Variants in ELAVL4 observed in about 807,000 individuals in gnomAD.
ELAVL4 encodes ELAV-like protein 4.
Under a neutral mutation model 35.6 loss-of-function variants are expected in ELAVL4, and 1 was observed. The observed-to-expected ratio is 0.03, with a 90% CI of 0.01 to 0.13. ELAVL4 has a LOEUF of 0.13. ELAVL4 is among the 10% of genes least tolerant of loss of function. The probability of loss-of-function intolerance (pLI) is 1.00; values close to 1 mark genes in which losing one functional copy is unlikely to be tolerated. For synonymous variants in ELAVL4, 156 were observed against 171.0 expected (o/e 0.91, Z 0.69); for missense variants, 267 against 464.9 (o/e 0.57, Z 3.91).
chr1:50,087,036 A>G (rs1290163005), intron 1 of ELAVL4, among the ~76,000 whole-genome samples: 1 of 152,154 alleles, frequency 6.6e-6, no homozygotes, highest in Non-Finnish European at 1.5e-5. Context: ...GGGTGGGCTT[A>G]GAGAGTCAAT....
chr1:50,113,100 GT>G (rs1007878427), intron 1 of ELAVL4, among the ~76,000 whole-genome samples: 23 of 152,096 alleles, frequency 1.5e-4, no homozygotes, highest in African/African-American at 4.8e-4. Flanking sequence ...AGAAATTATT[GT>G]TTGAATGGTG....
rs181402617 is a variant in ELAVL4 at position 50,198,193 on chromosome 1, C to T, written c.773+726C>T. ...TGGGGTTGGGGGCCCAGAGTCAAGGCTTTTGGGGCTCTCTGAATGCAGATT... is the reference window on the plus strand; with the variant it reads ...TGGGGTTGGGGGCCCAGAGTCAAGGTTTTTGGGGCTCTCTGAATGCAGATT... On this transcript the variant is annotated intron_variant, in intron 6 of 6. Coordinates refer to ENST00000371824, the MANE Select transcript of ELAVL4 (RefSeq NM_001144774.3). Among the ~76,000 whole-genome samples, 260 of 152,204 alleles carry T rather than the reference C, an allele frequency of 1.7e-3. 1 individual carries two copies. The highest frequency in any genetic ancestry group is 6.0e-3 in the African/African-American group (249 of 41,540).
upstream of ELAVL4, among the ~76,000 whole-genome samples, chr1:50,103,339 T>C (rs79466073): frequency 0.058 from 8,796 of 152,286 alleles, 348 homozygotes; most frequent in Middle Eastern, 0.085. Flanking sequence ...GAATTTCTGA[T>C]AGACTCCTTC....
chr1:50,158,965 A>C (rs892858884), intron 2 of ELAVL4, among the ~76,000 whole-genome samples: 1 of 150,626 alleles, frequency 6.6e-6, no homozygotes, highest in East Asian at 2.0e-4. Flanking sequence ...TGAACCCAGG[A>C]GGCAGAGGTT....
chr1:50,161,656 A>G (rs2148760107), intron 2 of ELAVL4, among the ~76,000 whole-genome samples: 1 of 152,368 alleles, frequency 6.6e-6, no homozygotes, highest in East Asian at 1.9e-4. Flanking sequence ...TTTATTTTAT[A>G]TAACAAACCA....
chr1:50,167,822 A>G (rs942974630), intron 2 of ELAVL4, among the ~76,000 whole-genome samples: 1 of 152,204 alleles, frequency 6.6e-6, no homozygotes, highest in African/African-American at 2.4e-5. Flanking sequence ...GGATACAAGT[A>G]TCTTCACAGT....
At chr1:50,165,585 T>C (rs1270792923) in intron 2 of ELAVL4, among the ~76,000 whole-genome samples, 1 of 148,456 alleles carries the variant, frequency 6.7e-6, no homozygotes, top group Admixed American at 6.8e-5. Flanking sequence ...CGTATATATG[T>C]ATACATATAT....
chr1:50,172,808 A>G (rs1374494140), intron 2 of ELAVL4, among the ~76,000 whole-genome samples: 1 of 152,224 alleles, frequency 6.6e-6, no homozygotes, highest in African/African-American at 2.4e-5. Context: ...AGAGAATCAA[A>G]TGCATAGAAG....
chr1:50,184,353 T>A (rs1318517886), intron 3 of ELAVL4, among the ~76,000 whole-genome samples: 1 of 150,704 alleles, frequency 6.6e-6, no homozygotes, highest in East Asian at 2.0e-4. Flanking sequence ...GGGCTTTAGC[T>A]GTCTTCAAGT....
Position 50,202,395 on chromosome 1 carries a change from G to A in ELAVL4, c.*1217G>A, listed in dbSNP as rs1334878824. 6.6e-6 allele frequency: 1 copy of A among 152,132 alleles called. No homozygotes were observed. Among genetic ancestry groups the A allele is most frequent in the Non-Finnish European group, 1.5e-5 (1 of 68,024 alleles). 9.4% of individuals were successfully genotyped at this position (152,132 alleles called of 1,614,324 possible). On this transcript the variant is annotated 3_prime_UTR_variant, in exon 7 of 7. Coordinates refer to ENST00000371824, the MANE Select transcript of ELAVL4 (RefSeq NM_001144774.3). Reference sequence around the variant, plus strand: ...ATCATAGTTAAATGTAATGTGTTTAGGAGAGGAAAACAAAAGATACATTTG... The same window carrying A: ...ATCATAGTTAAATGTAATGTGTTTAAGAGAGGAAAACAAAAGATACATTTG...
chr1:50,165,053 G>T (rs970092025), intron 2 of ELAVL4, among the ~76,000 whole-genome samples: 4 of 152,148 alleles, frequency 2.6e-5, no homozygotes, highest in African/African-American at 9.7e-5. Flanking sequence ...CGCCTGATCT[G>T]CAAGACTGAG....
chr1:50,132,537 C>T (rs998862080), intron 1 of ELAVL4, among the ~76,000 whole-genome samples: 3 of 152,094 alleles, frequency 2.0e-5, no homozygotes, highest in African/African-American at 4.8e-5. Flanking sequence ...TGCTGCCGGG[C>T]GATAGGCAGA....
intron 1 of ELAVL4, among the ~76,000 whole-genome samples, chr1:50,112,123 A>C (rs1667175155): frequency 6.6e-6 from 1 of 151,792 alleles, no homozygotes; most frequent in African/African-American, 2.4e-5. Context: ...TTCTCTTCTT[A>C]TTAGGGGATT....
At chr1:50,115,532 T>A (rs1418984508) in intron 1 of ELAVL4, among the ~76,000 whole-genome samples, 1 of 152,136 alleles carries the variant, frequency 6.6e-6, no homozygotes, top group Non-Finnish European at 1.5e-5. Context: ...ATTTTTGAAT[T>A]ACTCATTTTA....
intron 1 of ELAVL4, among the ~76,000 whole-genome samples, chr1:50,081,987 T>C (rs745464093): frequency 6.6e-5 from 10 of 152,248 alleles, no homozygotes; most frequent in Non-Finnish European, 1.3e-4. Flanking sequence ...GCTTCATTCA[T>C]GTCCCTGCAA....
At chr1:50,138,586 A>G (rs916486760) in intron 1 of ELAVL4, among the ~76,000 whole-genome samples, 2 of 151,936 alleles carry the variant, frequency 1.3e-5, no homozygotes, top group Non-Finnish European at 2.9e-5. Flanking sequence ...TAGCCTCCCA[A>G]GTTGCTGGGA....
At chr1:50,095,188 T>C (rs897999327) in intron 1 of ELAVL4, among the ~76,000 whole-genome samples, 4 of 152,140 alleles carry the variant, frequency 2.6e-5, no homozygotes, top group African/African-American at 7.2e-5. Flanking sequence ...TACGGCAGCA[T>C]TGGTGCTCAA....
intron 3 of ELAVL4, among the ~76,000 whole-genome samples, chr1:50,185,050 A>G (rs1014483908): frequency 9.8e-5 from 15 of 152,354 alleles, no homozygotes; most frequent in African/African-American, 3.4e-4. Context: ...GGCTACCTAT[A>G]TTAGACAGCA....
In ELAVL4 at chr1:50,081,997, A is replaced by G. The variant is rs1355844901; in HGVS notation, c.18+33815A>G. On this transcript the variant is annotated intron_variant, in intron 1 of 6. Coordinates refer to the ELAVL4 transcript ENST00000448907. ...TTCCAGCTTCATTCATGTCCCTGCA[A>G]AGGACATGAACTCGTCCATTTTTAT... Among the ~76,000 whole-genome samples the G allele has an allele frequency of 2.0e-5, 3 of 152,180 alleles. No homozygotes were observed. The East Asian group carries it at 5.8e-4, about 29-fold the overall frequency.
Sources: allele counts gnomAD v4.1 joint callset (sites outside exome capture counted in the v4.1 genomes callset), GRCh38; gene constraint gnomAD v4.1.1; transcripts MANE v1.5; gene names NCBI Gene and HGNC (gene_info 2026-07-23, HGNC 2026-07-21).